Variants in PLXNC1 observed in about 807,000 individuals in gnomAD.
PLXNC1 encodes plexin C1, also known as plexin-C1.
In PLXNC1, 75 loss-of-function variants were observed where a neutral mutation model predicts 178.2. The observed-to-expected ratio is 0.42, with a 90% CI of 0.35 to 0.51. The LOEUF (loss-of-function observed/expected upper bound fraction) is 0.51. PLXNC1 is among the 20% of genes least tolerant of loss of function. PLXNC1 has a pLI of 0.02. For missense variants in PLXNC1, 1,503 were observed against 1,984.4 expected, an observed-to-expected ratio of 0.76 and a Z score of 4.61; for synonymous variants, 790 against 779.9, an observed-to-expected ratio of 1.01 and a Z score of -0.22.
intron 4 of PLXNC1, among the ~76,000 whole-genome samples, chr12:94,188,660 A>C (rs1307612809): frequency 6.6e-6 from 1 of 152,198 alleles, no homozygotes; most frequent in Non-Finnish European, 1.5e-5. Flanking sequence ...ATAACAGTGC[A>C]TGTCTGCACT....
intron 4 of PLXNC1, among the ~76,000 whole-genome samples, chr12:94,192,024 C>T (rs150191971): frequency 6.6e-6 from 1 of 152,238 alleles, no homozygotes; most frequent in African/African-American, 2.4e-5. Context: ...CAATCCCGAA[C>T]CAATGAATGG....
At chr12:94,170,231 T>G (rs1961791175) in intron 2 of PLXNC1, among the ~76,000 whole-genome samples, 1 of 152,196 alleles carries the variant, frequency 6.6e-6, no homozygotes, top group Non-Finnish European at 1.5e-5. Flanking sequence ...TCTCTGAGCC[T>G]TCATTTCCTT....
At chr12:94,287,315 G>A (rs951979587) in intron 23 of PLXNC1, among the ~76,000 whole-genome samples, 2 of 152,208 alleles carry the variant, frequency 1.3e-5, no homozygotes, top group African/African-American at 4.8e-5. Context: ...CTATGAAGGG[G>A]ACTGTGCTTT....
At chr12:94,150,387 C>T (rs1410107919) in intron 1 of PLXNC1, among the ~76,000 whole-genome samples, 1 of 152,230 alleles carries the variant, frequency 6.6e-6, no homozygotes, top group Non-Finnish European at 1.5e-5. Context: ...CCATTCGCTT[C>T]TCCAGACTTC....
At chr12:94,199,452 C>T (rs1418272708) in intron 4 of PLXNC1, among the ~76,000 whole-genome samples, 8 of 151,964 alleles carry the variant, frequency 5.3e-5, no homozygotes, top group East Asian at 1.9e-4. Context: ...GGGGTGGAAG[C>T]GGTGGGGAGC....
intron 20 of PLXNC1, among the ~76,000 whole-genome samples, chr12:94,261,601 T>C (rs534571289): frequency 1.7e-4 from 26 of 152,158 alleles, no homozygotes; most frequent in Non-Finnish European, 3.2e-4. Flanking sequence ...AATAAGGGTG[T>C]CCTGTTGAAC....
At chr12:94,298,916 G>A (rs1968198721) in intron 27 of PLXNC1, 121 bp downstream of exon 27, 7 of 942,212 alleles carry the variant, frequency 7.4e-6, no homozygotes, top group Non-Finnish European at 1.1e-5. Context: ...TTTGGGCTTG[G>A]TAAGCTATCA....
intron 23 of PLXNC1, among the ~76,000 whole-genome samples, chr12:94,293,726 C>T (rs773960862): frequency 6.6e-6 from 1 of 152,196 alleles, no homozygotes; most frequent in Non-Finnish European, 1.5e-5. Context: ...TCAAGTGATC[C>T]TCTCACCTCA....
chr12:94,233,534 G>C (rs1316533468), intron 9 of PLXNC1, among the ~76,000 whole-genome samples: 2 of 152,194 alleles, frequency 1.3e-5, no homozygotes, highest in African/African-American at 4.8e-5. Context: ...AGTGAGTCTT[G>C]ATCTCTTCGC....
At chr12:94,208,486 C>T (rs1334664411) in intron 4 of PLXNC1, among the ~76,000 whole-genome samples, 1 of 152,212 alleles carries the variant, frequency 6.6e-6, no homozygotes, top group Non-Finnish European at 1.5e-5. Context: ...AAGCCAAATA[C>T]ACTGTTTGGG....
At position 94,149,321 on chromosome 12, in the gene PLXNC1, C is replaced by G; in HGVS notation, c.350C>G (p.Ala117Gly). 1 of 1,447,154 alleles carries G rather than the reference C, an allele frequency of 6.9e-7. No individual in the cohort carries two copies. 89.6% of individuals were successfully genotyped at this position (1,447,154 alleles called of 1,614,324 possible). A position where few individuals can be genotyped will look rare whatever the true frequency, so the allele number is the denominator to read the frequency against. ...KLLLPYREGA[A>G]GLGGLLLTGW... ...CTGCTGCCCTACCGCGAGGGGGCGG[C>G]CGGCCTCGGGGGGCTGCTGCTCACC... The change falls in exon 1 of 31, where the codon GCC becomes GGC. Residue 117 changes from alanine (A) to glycine (G), a missense_variant. By Grantham distance (60) the Ala-to-Gly change is moderately conservative (BLOSUM62 0). Transcript: ENST00000258526.
At chr12:94,153,662 T>A (rs1961044428) in intron 1 of PLXNC1, among the ~76,000 whole-genome samples, 1 of 152,196 alleles carries the variant, frequency 6.6e-6, no homozygotes, top group Non-Finnish European at 1.5e-5. Context: ...CGGTAGACAT[T>A]GAGGGTAGTA....
intron 1 of PLXNC1, among the ~76,000 whole-genome samples, chr12:94,154,189 C>T (rs529726799): frequency 6.6e-6 from 1 of 152,276 alleles, no homozygotes; most frequent in South Asian, 2.1e-4. Context: ...TTCTCATTCA[C>T]CATATGGGGC....
chr12:94,259,483 T>G (rs1252928473), intron 18 of PLXNC1, 108 bp downstream of exon 18: 2 of 1,192,750 alleles, frequency 1.7e-6, no homozygotes, highest in Non-Finnish European at 2.3e-6. Flanking sequence ...TATTGTGGGT[T>G]TTTTTTGGAT....
At chr12:94,166,524 GTATTAT>G (rs55733946) in intron 1 of PLXNC1, among the ~76,000 whole-genome samples, 22,750 of 143,822 alleles carry the variant, frequency 0.16, 1,953 homozygotes, top group Admixed American at 0.2. Flanking sequence ...ATGTTAGCTG[GTATTAT>G]TATTATTATT....
At chr12:94,193,704 AGT>A (rs1962808389) in intron 4 of PLXNC1, among the ~76,000 whole-genome samples, 2 of 152,144 alleles carry the variant, frequency 1.3e-5, no homozygotes, top group African/African-American at 4.8e-5. Context: ...TGAGTCTCAG[AGT>A]GTGCAGTGGG....
intron 21 of PLXNC1, among the ~76,000 whole-genome samples, chr12:94,277,417 G>A (rs1005464824): frequency 2.0e-5 from 3 of 152,162 alleles, no homozygotes; most frequent in African/African-American, 2.4e-5. Flanking sequence ...AGAACCTCCC[G>A]AAATTTCAGA....
At chr12:94,152,119 G>A (rs1211643935) in intron 1 of PLXNC1, among the ~76,000 whole-genome samples, 3 of 152,166 alleles carry the variant, frequency 2.0e-5, no homozygotes, top group Admixed American at 6.5e-5. Context: ...TGTCAGCCAA[G>A]TTAAATAATA....
chr12:94,173,877 C>T (rs1457368348), intron 2 of PLXNC1, among the ~76,000 whole-genome samples: 2 of 152,176 alleles, frequency 1.3e-5, no homozygotes, highest in Non-Finnish European at 2.9e-5. Flanking sequence ...GAGCCCGCTC[C>T]TCTCTGAGCT....
Sources: allele counts gnomAD v4.1 joint callset (sites outside exome capture counted in the v4.1 genomes callset), GRCh38; gene constraint gnomAD v4.1.1; transcripts MANE v1.5; gene names NCBI Gene and HGNC (gene_info 2026-07-23, HGNC 2026-07-21).